The following ATOSA variants were observed in gnomAD, a reference collection of about 807,000 sequenced individuals.
ATOSA encodes the protein atos homolog A, also known as atos homolog protein A.
the ATOSA span, among the ~76,000 whole-genome samples, chr15:52,650,724 C>CT: frequency 6.6e-6 from 1 of 152,152 alleles, no homozygotes; most frequent in African/African-American, 2.4e-5. Flanking sequence ...AATATTAACT[C>CT]TGAGCTTATA....
chr15:52,586,140 T>C, the ATOSA span: 3 of 152,212 alleles, frequency 2.0e-5, no homozygotes, highest in Non-Finnish European at 4.4e-5. Flanking sequence ...ATGAGCTGCA[T>C]AGCCGAAGGC....
chr15:52,581,998 T>G, the ATOSA span: 1 of 584,626 alleles, frequency 1.7e-6, no homozygotes, highest in Non-Finnish European at 2.8e-6. Flanking sequence ...ACATGGAATA[T>G]ATGGATTTCA....
chr15:52,621,431 CCA>C, the ATOSA span, among the ~76,000 whole-genome samples: 1 of 151,998 alleles, frequency 6.6e-6, no homozygotes, highest in Non-Finnish European at 1.5e-5. Flanking sequence ...AAAAGCAGTC[CCA>C]GTGTCATATA....
the ATOSA span, chr15:52,593,293 G>A: frequency 3.5e-5 from 11 of 315,876 alleles, no homozygotes; most frequent in African/African-American, 2.2e-4. Context: ...TTGAGAATGT[G>A]TGTGAACTCA....
At chr15:52,601,551 C>T in the ATOSA span, among the ~76,000 whole-genome samples, 1 of 148,198 alleles carries the variant, frequency 6.7e-6, no homozygotes, top group African/African-American at 2.5e-5. Flanking sequence ...AAAAAGAAAA[C>T]CGAATAGAGA....
the ATOSA span, among the ~76,000 whole-genome samples, chr15:52,676,233 T>C: frequency 3.9e-5 from 6 of 152,222 alleles, no homozygotes; most frequent in Admixed American, 2.0e-4. Flanking sequence ...AGGATAGTTC[T>C]TTGGACACCA....
At chr15:52,596,209 G>A in the ATOSA span, among the ~76,000 whole-genome samples, 1 of 152,080 alleles carries the variant, frequency 6.6e-6, no homozygotes, top group South Asian at 2.1e-4. Context: ...ATGAATTTCA[G>A]GGATTGAAAG....
chr15:52,614,293 A>G, the ATOSA span, among the ~76,000 whole-genome samples: 1 of 151,152 alleles, frequency 6.6e-6, no homozygotes, highest in Non-Finnish European at 1.5e-5. Context: ...TTTAGTAGAG[A>G]AGGGGTTTTG....
the ATOSA span, among the ~76,000 whole-genome samples, chr15:52,676,200 T>C: frequency 2.3e-3 from 352 of 152,288 alleles, 2 homozygotes; most frequent in African/African-American, 8.0e-3. Context: ...AAAGTTTCAA[T>C]TATCCAGAAA....
At chr15:52,629,331 A>C in the ATOSA span, among the ~76,000 whole-genome samples, 1 of 152,100 alleles carries the variant, frequency 6.6e-6, no homozygotes, top group Non-Finnish European at 1.5e-5. Flanking sequence ...GTTACACTTG[A>C]TGAACCTACA....
the ATOSA span, among the ~76,000 whole-genome samples, chr15:52,637,012 A>G: frequency 5.2e-4 from 79 of 152,304 alleles, no homozygotes; most frequent in Admixed American, 3.3e-3. Context: ...GGTACCTTGA[A>G]TTCCTAGCAA....
the ATOSA span, among the ~76,000 whole-genome samples, chr15:52,612,503 C>CT: frequency 8.2e-4 from 92 of 112,770 alleles, 1 homozygote; most frequent in African/African-American, 3.2e-3. Context: ...TAAACAAGAT[C>CT]TTTTTTTTTT....
the ATOSA span, among the ~76,000 whole-genome samples, chr15:52,603,530 A>G: frequency 6.6e-6 from 1 of 152,146 alleles, no homozygotes; most frequent in Non-Finnish European, 1.5e-5. Context: ...AGATAGCTGC[A>G]CTCCAATGTT....
chr15:52,585,448 CAT>C, the ATOSA span: 2 of 152,226 alleles, frequency 1.3e-5, no homozygotes, highest in African/African-American at 4.8e-5. Context: ...GTCTTAGGTA[CAT>C]ATGATTATTA....
At chr15:52,585,069 TTC>T in the ATOSA span, 1 of 667,138 alleles carries the variant, frequency 1.5e-6, no homozygotes, top group Non-Finnish European at 2.4e-6. Context: ...ATAATTCAGT[TTC>T]AAGGACTAAA....
chr15:52,605,036 A>G, the ATOSA span: 1 of 808,682 alleles, frequency 1.2e-6, no homozygotes, highest in Admixed American at 3.0e-5. Flanking sequence ...ATTTAAAGAT[A>G]TTTAAATTTT....
At chr15:52,671,129 C>T in the ATOSA span, among the ~76,000 whole-genome samples, 8 of 152,052 alleles carry the variant, frequency 5.3e-5, no homozygotes, top group African/African-American at 1.7e-4. Flanking sequence ...ATTTGTTAGA[C>T]GTATATAAAC....
At chr15:52,590,028 T>C in the ATOSA span, among the ~76,000 whole-genome samples, 1 of 152,128 alleles carries the variant, frequency 6.6e-6, no homozygotes, top group Non-Finnish European at 1.5e-5. Flanking sequence ...CCTCAAGTTA[T>C]CCGCCTGCCC....
the ATOSA span, among the ~76,000 whole-genome samples, chr15:52,594,536 TAA>T: frequency 6.6e-6 from 1 of 152,228 alleles, no homozygotes; most frequent in African/African-American, 2.4e-5. Context: ...CTCATGATTC[TAA>T]AAGTTTGTGT....
Sources: gnomAD v4.1 joint callset for allele counts (sites outside exome capture counted in the v4.1 genomes callset) on GRCh38, gnomAD v4.1.1 for gene constraint, MANE v1.5 for transcripts, NCBI Gene and HGNC (gene_info 2026-07-23, HGNC 2026-07-21) for gene names.